The following FSIP1 variants were observed in gnomAD, a reference collection of about 807,000 sequenced individuals.
The protein encoded by FSIP1 is fibrous sheath-interacting protein 1.
Under a neutral mutation model 60.9 loss-of-function variants are expected in FSIP1, and 65 were observed. That is an observed-to-expected ratio of 1.07 (90% CI 0.87 to 1.31). FSIP1 has a LOEUF of 1.31. Ranked by LOEUF, FSIP1 falls within the 40% of genes most tolerant of loss-of-function variation. FSIP1 has a pLI of 0.00. For synonymous variants in FSIP1, 209 were observed against 221.2 expected, an observed-to-expected ratio of 0.94 and a Z score of 0.49; for missense variants, 675 against 665.5, an observed-to-expected ratio of 1.01 and a Z score of -0.16.
At chr15:39,617,712 AAC>A (rs778481230) in intron 11 of FSIP1, 21 bp downstream of exon 11, 3 of 1,588,844 alleles carry the variant, frequency 1.9e-6, no homozygotes, top group Non-Finnish European at 1.7e-6. Flanking sequence ...TATTTACCAA[AAC>A]ACATGTTCGC....
chr15:39,607,286 T>C (rs924940175), intron 11 of FSIP1, among the ~76,000 whole-genome samples: 34 of 152,222 alleles, frequency 2.2e-4, no homozygotes, highest in African/African-American at 8.0e-4. Flanking sequence ...TGCCAGTGAC[T>C]GGGTGAGTAC....
chr15:39,642,535 T>C (rs1048628200), intron 10 of FSIP1, among the ~76,000 whole-genome samples: 7 of 152,186 alleles, frequency 4.6e-5, no homozygotes, highest in Non-Finnish European at 1.0e-4. Flanking sequence ...GAATGCTGCA[T>C]GGGGTAGGAA....
Position 39,688,559 on chromosome 15 carries a change from T to C in FSIP1, c.1188+24885A>G, listed in dbSNP as rs142314468. On this transcript the variant is annotated intron_variant, in intron 10 of 11. Transcript: ENST00000350221. ...ATCATAAAGTTGAAAAATCATTAAA[T>C]TGACCATAATAAATCAGGGACCATC... is the stretch of plus-strand genomic sequence containing the variant. Among the ~76,000 whole-genome samples, 807 of 152,282 alleles carry C rather than the reference T, an allele frequency of 5.3e-3. 7 individuals are homozygous for C. The highest frequency in any genetic ancestry group is 0.018 in the African/African-American group (763 of 41,536).
chr15:39,627,197 T>TGCACTTGCCTGCTGCCGGGCTGA (rs1198683232), intron 10 of FSIP1, among the ~76,000 whole-genome samples: 1 of 152,288 alleles, frequency 6.6e-6, no homozygotes, highest in Middle Eastern at 3.4e-3. Context: ...TCCAGACCTG[T>TGCACTTGCCTGCTGCCGGGCTGA]GCACTTGCCT....
At chr15:39,690,282 T>G (rs543926969) in intron 10 of FSIP1, among the ~76,000 whole-genome samples, 2 of 152,312 alleles carry the variant, frequency 1.3e-5, no homozygotes, top group African/African-American at 4.8e-5. Context: ...ATATCATATT[T>G]GCATTCTGGA....
At chr15:39,661,445 T>C (rs1893292162) in intron 10 of FSIP1, among the ~76,000 whole-genome samples, 1 of 152,226 alleles carries the variant, frequency 6.6e-6, no homozygotes, top group Non-Finnish European at 1.5e-5. Flanking sequence ...TGTACAATCT[T>C]ATTACTTGGA....
rs1243451730 is a variant in FSIP1 at position 39,776,521 on chromosome 15, C to T, written c.4G>A (p.Asp2Asn). M[D>N]IIKGNLDGIS... ...CCATCTAGGTTTCCCTTTATAATAT[C>T]CATTGAAATCCTGAAACAACAAATA... Residue 2 changes from aspartate to asparagine, a missense_variant, in exon 2 of 12, where the codon GAT (aspartate) becomes AAT (asparagine). Asp to Asn is a conservative substitution (Grantham distance 23, BLOSUM62 1). Transcript: ENST00000350221. The T allele has an allele frequency of 1.9e-6, 3 of 1,600,334 alleles. No individual in the cohort carries two copies. Among genetic ancestry groups the T allele is most frequent in the African/African-American group, 2.7e-5 (2 of 74,102 alleles).
intron 3 of FSIP1, 127 bp from the exon 4 acceptor site, chr15:39,765,873 T>C (rs1897668376): frequency 3.8e-6 from 2 of 521,702 alleles, no homozygotes; most frequent in African/African-American, 2.0e-5. Flanking sequence ...ACTACATTGG[T>C]ACCATGTATC....
intron 10 of FSIP1, 44 bp downstream of exon 10, chr15:39,713,400 C>CT: frequency 6.5e-7 from 1 of 1,545,840 alleles, no homozygotes; most frequent in South Asian, 1.2e-5. Flanking sequence ...GAACCTGCCT[C>CT]TATTTTTTTC....
intron 4 of FSIP1, among the ~76,000 whole-genome samples, chr15:39,764,301 T>C (rs1897607025): frequency 6.6e-6 from 1 of 152,232 alleles, no homozygotes; most frequent in African/African-American, 2.4e-5. Context: ...AAAAACTTGC[T>C]TGAGATTCAG....
intron 10 of FSIP1, among the ~76,000 whole-genome samples, chr15:39,639,776 G>A (rs1471573834): frequency 6.6e-6 from 1 of 152,084 alleles, no homozygotes; most frequent in African/African-American, 2.4e-5. Flanking sequence ...TGTACAACAG[G>A]GAAGAACGGG....
chr15:39,778,100 A>T (rs1898122237), intron 1 of FSIP1, among the ~76,000 whole-genome samples: 1 of 152,210 alleles, frequency 6.6e-6, no homozygotes, highest in African/African-American at 2.4e-5. Context: ...ACTCTGCAAA[A>T]GAGTTTGGGC....
chr15:39,711,182 A>G (rs1026702608), intron 10 of FSIP1, among the ~76,000 whole-genome samples: 1 of 152,146 alleles, frequency 6.6e-6, no homozygotes, highest in African/African-American at 2.4e-5. Context: ...TTTATTTCTC[A>G]CAGTTCTAGA....
chr15:39,672,404 A>G (rs1249978151), intron 10 of FSIP1, among the ~76,000 whole-genome samples: 1 of 152,196 alleles, frequency 6.6e-6, no homozygotes, highest in Non-Finnish European at 1.5e-5. Context: ...GAGCAACACT[A>G]TTGACTGTCT....
intron 10 of FSIP1, among the ~76,000 whole-genome samples, chr15:39,713,099 T>C (rs1414738234): frequency 3.9e-5 from 6 of 152,210 alleles, no homozygotes; most frequent in Non-Finnish European, 8.8e-5. Context: ...TTATATTATA[T>C]AAATTGCTTA....
At chr15:39,694,870 A>G (rs1165070287) in intron 10 of FSIP1, among the ~76,000 whole-genome samples, 2 of 152,138 alleles carry the variant, frequency 1.3e-5, no homozygotes, top group Admixed American at 1.3e-4. Flanking sequence ...AGGCATTTTT[A>G]GTCAACTAGT....
At chr15:39,767,991 C>A (rs1194879072) in intron 3 of FSIP1, among the ~76,000 whole-genome samples, 1 of 152,226 alleles carries the variant, frequency 6.6e-6, no homozygotes, top group Non-Finnish European at 1.5e-5. Context: ...AAGCCGCCAG[C>A]AGACGGCAAA....
intron 9 of FSIP1, among the ~76,000 whole-genome samples, chr15:39,713,795 G>A (rs910934723): frequency 6.6e-6 from 1 of 152,186 alleles, no homozygotes; most frequent in African/African-American, 2.4e-5. Flanking sequence ...CCCAACTTCT[G>A]TAATCATTTG....
At chr15:39,758,318 C>T (rs1407598182) in intron 5 of FSIP1, among the ~76,000 whole-genome samples, 2 of 152,040 alleles carry the variant, frequency 1.3e-5, no homozygotes, top group Non-Finnish European at 2.9e-5. Flanking sequence ...GTTAAAAGGC[C>T]ACCATAGATC....
Sources: allele counts gnomAD v4.1 joint callset (sites outside exome capture counted in the v4.1 genomes callset), GRCh38; gene constraint gnomAD v4.1.1; transcripts MANE v1.5; gene names NCBI Gene and HGNC (gene_info 2026-07-23, HGNC 2026-07-21).